Variants in DGKB observed in about 807,000 individuals in gnomAD.
DGKB encodes the protein 90 kDa diacylglycerol kinase.
In DGKB, 67 loss-of-function variants were observed where a neutral mutation model predicts 114.3. That is an observed-to-expected ratio of 0.59 (90% confidence interval 0.48 to 0.72). The LOEUF (loss-of-function observed/expected upper bound fraction) is 0.72. DGKB is among the 30% of genes least tolerant of loss of function. The pLI is 0.00. For synonymous variants in DGKB, 398 were observed against 323.1 expected (o/e 1.23, Z -2.49); for missense variants, 907 against 975.2 (o/e 0.93, Z 0.93).
At chr7:14,675,240 T>G (rs1156873016) in intron 12 of DGKB, among the ~76,000 whole-genome samples, 1 of 152,128 alleles carries the variant, frequency 6.6e-6, no homozygotes, top group Non-Finnish European at 1.5e-5. Context: ...CAGGACATAC[T>G]GAGTCTTATG....
chr7:14,176,946 A>G (rs1025064179), intron 24 of DGKB, 47 bp from the exon 25 acceptor site: 3 of 1,608,482 alleles, frequency 1.9e-6, no homozygotes, highest in Non-Finnish European at 1.7e-6. Context: ...AATACTTTAT[A>G]TTACAGACTA....
chr7:14,200,307 C>A (rs1785650137), intron 23 of DGKB, among the ~76,000 whole-genome samples: 1 of 151,964 alleles, frequency 6.6e-6, no homozygotes, highest in African/African-American at 2.4e-5. Context: ...CCCCAGAGTG[C>A]AAGACCTAGC....
intron 15 of DGKB, among the ~76,000 whole-genome samples, chr7:14,614,861 A>C (rs1449718138): frequency 6.6e-6 from 1 of 152,096 alleles, no homozygotes; most frequent in Non-Finnish European, 1.5e-5. Context: ...AGCTGGGAGA[A>C]GGATGAGCAG....
chr7:14,439,204 G>A (rs1424392388), intron 21 of DGKB, among the ~76,000 whole-genome samples: 12 of 151,882 alleles, frequency 7.9e-5, no homozygotes. Context: ...CCTCATTCCT[G>A]GTATTAGCTA....
intron 21 of DGKB, among the ~76,000 whole-genome samples, chr7:14,446,066 C>G (rs1473798808): frequency 6.6e-6 from 1 of 152,134 alleles, no homozygotes; most frequent in Non-Finnish European, 1.5e-5. Context: ...CCCTTTCACA[C>G]ATATCCCAAC....
chr7:14,255,774 G>C (rs910375222), intron 23 of DGKB, among the ~76,000 whole-genome samples: 7 of 150,342 alleles, frequency 4.7e-5, no homozygotes, highest in African/African-American at 1.7e-4. Flanking sequence ...GTGCAGCTAA[G>C]CTTTTAGTAT....
chr7:14,170,153 GAAAGAA>G (rs1780716479), intron 25 of DGKB, among the ~76,000 whole-genome samples: 2 of 47,602 alleles, frequency 4.2e-5, no homozygotes, highest in African/African-American at 3.3e-4. Flanking sequence ...AAAAAAGAAA[GAAAGAA>G]AGAAAGAAAG....
intron 22 of DGKB, among the ~76,000 whole-genome samples, chr7:14,342,750 G>A (rs1011727015): frequency 6.6e-6 from 1 of 151,862 alleles, no homozygotes; most frequent in African/African-American, 2.4e-5. Flanking sequence ...AGCATCACCT[G>A]TGAGACAGTT....
chr7:14,371,400 G>T (rs755193460), intron 21 of DGKB, among the ~76,000 whole-genome samples: 5 of 152,074 alleles, frequency 3.3e-5, no homozygotes, highest in Non-Finnish European at 7.4e-5. Flanking sequence ...CTGTGGTTTT[G>T]ATTTGCATTT....
chr7:14,456,119 A>G (rs1045358753), intron 21 of DGKB, among the ~76,000 whole-genome samples: 6 of 152,080 alleles, frequency 3.9e-5, no homozygotes. Context: ...GCACAATATT[A>G]TTAAGAATAT....
chr7:14,489,231 A>G (rs561829485), intron 20 of DGKB, among the ~76,000 whole-genome samples: 1 of 152,192 alleles, frequency 6.6e-6, no homozygotes, highest in East Asian at 1.9e-4. Context: ...TTAGAAAACA[A>G]TGACAGGTAT....
chr7:14,309,316 T>C (rs1332618550), intron 23 of DGKB, among the ~76,000 whole-genome samples: 5 of 152,238 alleles, frequency 3.3e-5, no homozygotes, highest in African/African-American at 9.6e-5. Flanking sequence ...AGATCTCCAA[T>C]ACATTTATGT....
chr7:14,637,603 T>A lies in DGKB; in HGVS notation c.1135-7335A>T, dbSNP rs566836956. Among the ~76,000 whole-genome samples, 50 of 151,572 alleles carry A rather than the reference T, an allele frequency of 3.3e-4. No individual in the cohort carries two copies. The Middle Eastern group carries it at 0.014, about 42-fold the overall frequency. On this transcript the variant is annotated intron_variant, in intron 13 of 25. Transcript: ENST00000402815. Reference sequence around the variant, plus strand: ...ACAACATTCAAAAATATGTTTTATATACCTATATATGTGTATATACACATA... The same window carrying A: ...ACAACATTCAAAAATATGTTTTATAAACCTATATATGTGTATATACACATA...
chr7:14,847,095 C>G (rs977062810), intron 1 of DGKB, among the ~76,000 whole-genome samples: 4 of 151,996 alleles, frequency 2.6e-5, no homozygotes, highest in African/African-American at 4.8e-5. Context: ...TCGAGACCAT[C>G]CTGGCTAACA....
At chr7:14,271,166 C>A (rs1383702358) in intron 23 of DGKB, among the ~76,000 whole-genome samples, 1 of 152,076 alleles carries the variant, frequency 6.6e-6, no homozygotes, top group Non-Finnish European at 1.5e-5. Context: ...AGACTCATAT[C>A]TTTTTCAATA....
At chr7:14,903,756 T>C (rs921063063), upstream of DGKB, among the ~76,000 whole-genome samples, 5 of 152,130 alleles carry the variant, frequency 3.3e-5, no homozygotes, top group African/African-American at 1.2e-4. Context: ...TTGAGGCACG[T>C]GTGTAAAATA....
intron 21 of DGKB, among the ~76,000 whole-genome samples, chr7:14,378,908 A>G (rs1215161297): frequency 1.3e-5 from 2 of 152,134 alleles, no homozygotes; most frequent in Non-Finnish European, 2.9e-5. Context: ...TCCATTATAA[A>G]TATTTACGCA....
intron 19 of DGKB, among the ~76,000 whole-genome samples, chr7:14,577,750 A>G (rs1799376392): frequency 6.6e-6 from 1 of 152,244 alleles, no homozygotes; most frequent in African/African-American, 2.4e-5. Context: ...AATGCTAATT[A>G]AGCTAGAATA....
intron 20 of DGKB, among the ~76,000 whole-genome samples, chr7:14,488,514 G>T (rs369948525): frequency 6.6e-6 from 1 of 151,818 alleles, no homozygotes; most frequent in South Asian, 2.1e-4. Context: ...CTCTCAAGGC[G>T]TTTATTTTAA....
Sources: gnomAD v4.1 joint callset for allele counts (sites outside exome capture counted in the v4.1 genomes callset) on GRCh38, gnomAD v4.1.1 for gene constraint, MANE v1.5 for transcripts, NCBI Gene and HGNC (gene_info 2026-07-23, HGNC 2026-07-21) for gene names.